The following YJEFN3 variants were observed in gnomAD, a reference collection of about 807,000 sequenced individuals.
YJEFN3 encodes yjeF N-terminal domain-containing protein 3.
Under a neutral mutation model 31.5 loss-of-function variants are expected in YJEFN3, and 29 were observed. The observed-to-expected ratio is 0.92, with a 90% CI of 0.69 to 1.26. The LOEUF is 1.26. Among genes scored for constraint, YJEFN3 ranks in the 50% most tolerant of loss-of-function variants. The probability of loss-of-function intolerance (pLI) is 0.00; values close to 1 mark genes in which losing one functional copy is unlikely to be tolerated. For synonymous variants in YJEFN3, 227 were observed against 196.1 expected (o/e 1.16, Z -1.32); for missense variants, 442 against 425.4 (o/e 1.04, Z -0.34).
At position 19,535,562 on chromosome 19, in the gene YJEFN3, GT is replaced by G. The variant is rs768721678; in HGVS notation, c.578del (p.Val193GlyfsTer33). The G allele has an allele frequency of 6.3e-7, 1 of 1,591,112 alleles. No homozygotes were observed. The highest frequency in any genetic ancestry group is 1.7e-5 in the Admixed American group (1 of 58,030). The stretch of plus-strand genomic sequence containing the variant: ...CATTAACGAAGCCTATGGGCTGGTG[GT>G]GGATGCCGTACTGGGCCCCGGCGTG... ...QLINEAYGLVVDAVLGPGVEP... is the reference protein window; with the variant it reads ...QLINEAYGLVXDAVLGPGVEP... On this transcript the variant is annotated frameshift_variant, in exon 6 of 7. Coordinates refer to ENST00000514277, the MANE Select transcript of YJEFN3 (RefSeq NM_198537.4). LOFTEE classifies it high-confidence loss of function.
intron 6 of YJEFN3, 67 bp downstream of exon 6, chr19:19,535,746 TCCTGGTCGCCCCTG>T: frequency 6.6e-7 from 1 of 1,525,122 alleles, no homozygotes; most frequent in Non-Finnish European, 8.8e-7. Context: ...GTGCCCCAGC[TCCTGGTCGCCCCTG>T]CCTGTCTGAA....
intron 6 of YJEFN3, among the ~76,000 whole-genome samples, chr19:19,536,284 A>AT (rs1023217121): frequency 1.3e-3 from 196 of 152,302 alleles, no homozygotes; most frequent in African/African-American, 4.5e-3. Context: ...GAGAAGGATT[A>AT]AAGTCTGAGG....
chr19:19,529,674 C>T (rs1474484910), intron 2 of YJEFN3, among the ~76,000 whole-genome samples, 161 bp downstream of exon 2: 4 of 152,190 alleles, frequency 2.6e-5, no homozygotes, highest in Non-Finnish European at 5.9e-5. Flanking sequence ...GGGCACGTGT[C>T]CCCTCAGCCG....
rs996977125 is a variant in YJEFN3 at position 19,534,789 on chromosome 19, T to C, written c.319-245T>C. ...AAACCGCACTCCGGGCGACGGGCAG[T>C]GGCTGGATGCACGTTTTTCCTGCAC... is the stretch of plus-strand genomic sequence containing the variant. On this transcript the variant is annotated intron_variant, in intron 3 of 6. Transcript: ENST00000514277. The surrounding 1 kb of genome is among the most constrained non-coding windows in gnomAD (Gnocchi z 4.6). 1 of 385,576 alleles carries C rather than the reference T, an allele frequency of 2.6e-6. No homozygotes were observed. The highest frequency in any genetic ancestry group is 1.1e-4 in the South Asian group (1 of 9,014). The allele number at this position is 385,576 out of a possible 1,614,324, so 23.9% of individuals were successfully genotyped here. A position where few individuals can be genotyped will look rare whatever the true frequency, so the allele number is the denominator to read the frequency against.
Position 19,528,994 on chromosome 19 carries a change from C to G in YJEFN3, c.59+3C>G. On this transcript the variant is annotated splice_donor_region_variant and intron_variant, in intron 1 of 6. Coordinates refer to ENST00000514277, the MANE Select transcript of YJEFN3 (RefSeq NM_198537.4). Reference sequence around the variant, plus strand: ...CCCGAAGAGCGGCATTTCCTCAGGTCAGCTGGGGAGAGGGAAGCTGGAGAC... The same window carrying G: ...CCCGAAGAGCGGCATTTCCTCAGGTGAGCTGGGGAGAGGGAAGCTGGAGAC... 1 of 1,550,746 alleles carries G rather than the reference C, an allele frequency of 6.4e-7. No individual in the cohort carries two copies. Among genetic ancestry groups the G allele is most frequent in the Non-Finnish European group, 8.7e-7 (1 of 1,146,800 alleles).
At position 19,537,369 on chromosome 19, in the gene YJEFN3, G is replaced by C; in HGVS notation, c.745G>C (p.Val249Leu). Residue 249 changes from valine to leucine, a missense_variant, in exon 7 of 7, where the codon GTG becomes CTG. By Grantham distance (32) the Val-to-Leu change is conservative (BLOSUM62 1). Transcript: ENST00000514277. The stretch of plus-strand genomic sequence containing the variant: ...TTCGGAGGACGGGCTGCGGCCTGAC[G>C]TGCTGGTGTCTCTCGCGGCGCCCAA... ...SDSEDGLRPD[V>L]LVSLAAPKRC... The C allele has an allele frequency of 6.3e-7, 1 of 1,596,270 alleles. No homozygotes were observed. Among genetic ancestry groups the C allele is most frequent in the Non-Finnish European group, 8.5e-7 (1 of 1,177,430 alleles).
intron 2 of YJEFN3, among the ~76,000 whole-genome samples, chr19:19,530,056 T>A (rs565779167): frequency 6.6e-6 from 1 of 151,938 alleles, no homozygotes; most frequent in African/African-American, 2.4e-5. Flanking sequence ...TGGGCAGAGG[T>A]GTGAGGTGGA....
chr19:19,536,028 G>A (rs1324278472), intron 6 of YJEFN3: 13 of 528,262 alleles, frequency 2.5e-5, no homozygotes, highest in African/African-American at 1.4e-4. Flanking sequence ...ACAGGCAGAC[G>A]GAACAAACAG....
chr19:19,533,619 C>T (rs2061179839), intron 3 of YJEFN3: 2 of 968,086 alleles, frequency 2.1e-6, no homozygotes, highest in Non-Finnish European at 2.5e-6. Flanking sequence ...TCCTCCTCCT[C>T]CCCATTCTCT....
chr19:19,532,440 C>A (rs1248948600), intron 2 of YJEFN3, among the ~76,000 whole-genome samples, 192 bp from the exon 3 acceptor site: 1 of 152,248 alleles, frequency 6.6e-6, no homozygotes, highest in Non-Finnish European at 1.5e-5. Context: ...GCCCGCCAGG[C>A]CTCGATTCAA....
chr19:19,534,720 T>G lies in YJEFN3; in HGVS notation c.319-314T>G. 1 of 228,398 alleles carries G rather than the reference T, an allele frequency of 4.4e-6. No individual in the cohort carries two copies. Among genetic ancestry groups the G allele is most frequent in the Non-Finnish European group, 8.5e-6 (1 of 117,190 alleles). 14.1% of individuals were successfully genotyped at this position (228,398 alleles called of 1,614,324 possible). A position where few individuals can be genotyped will look rare whatever the true frequency, so the allele number is the denominator to read the frequency against. On this transcript the variant is annotated intron_variant, in intron 3 of 6. Coordinates refer to ENST00000514277, the MANE Select transcript of YJEFN3 (RefSeq NM_198537.4). This position sits in a 1 kb window ranked among gnomAD's most constrained non-coding sequence, Gnocchi z 4.6. ...AACATGGGCGGGGGTGGGCCCGCGG[T>G]GAGAAAGGTGGAAGAATGTCTGCAA...
chr19:19,537,482 C>A lies in YJEFN3; in HGVS notation c.858C>A (p.Arg286=), dbSNP rs1168507139. 1 of 1,583,048 alleles carries A rather than the reference C, an allele frequency of 6.3e-7. No individual in the cohort carries two copies. The highest frequency in any genetic ancestry group is 8.5e-7 in the Non-Finnish European group (1 of 1,169,984). Reference sequence around the variant, plus strand: ...ACGTGCGCCGCAAGTTCGCTCTGCGCCTGCCGGGATACACGGGCACCGACT... The same window carrying A: ...ACGTGCGCCGCAAGTTCGCTCTGCGACTGCCGGGATACACGGGCACCGACT... ...PDDVRRKFAL[R]LPGYTGTDCV... Residue 286 remains arginine (R), a synonymous_variant, in exon 7 of 7, where the codon CGC becomes CGA. Transcript: ENST00000514277.
chr19:19,534,551 CACACAGAGAGACAGAG>C lies in YJEFN3; in HGVS notation c.319-478_319-463del. On this transcript the variant is annotated intron_variant, in intron 3 of 6. Transcript: ENST00000514277. The surrounding 1 kb of genome is among the most constrained non-coding windows in gnomAD (Gnocchi z 4.6). ...CCAGAGACATACAGAGAGACAGAGA[CACACAGAGAGACAGAG>C]ACACGGAGAGTCTGAGAGATACAGA... 1 of 153,424 alleles carries C rather than the reference CACACAGAGAGACAGAG, an allele frequency of 6.5e-6. No homozygotes were observed. The highest frequency in any genetic ancestry group is 1.9e-4 in the East Asian group (1 of 5,206). 9.5% of individuals were successfully genotyped at this position (153,424 alleles called of 1,614,324 possible). A position where few individuals can be genotyped will look rare whatever the true frequency, so the allele number is the denominator to read the frequency against.
Position 19,534,236 on chromosome 19 carries a change from C to T in YJEFN3, c.319-798C>T, listed in dbSNP as rs2061184975. On this transcript the variant is annotated intron_variant, in intron 3 of 6. Transcript: ENST00000514277. The surrounding 1 kb of genome is among the most constrained non-coding windows in gnomAD (Gnocchi z 4.6). ...GACAGATAACAGAGAGATACAGAGACAGCCAGAGACAAATGGAGAGAGAGA... is the reference window on the plus strand; with the variant it reads ...GACAGATAACAGAGAGATACAGAGATAGCCAGAGACAAATGGAGAGAGAGA... 3.3e-6 allele frequency: 3 copies of T among 897,366 alleles called. No homozygotes were observed. Among genetic ancestry groups the T allele is most frequent in the African/African-American group, 1.8e-5 (1 of 55,152 alleles). The allele number at this position is 897,366 out of a possible 1,614,324, so 55.6% of individuals were successfully genotyped here.
chr19:19,532,744 CCT>C lies in YJEFN3; in HGVS notation c.318+5_318+6del. The stretch of plus-strand genomic sequence containing the variant: ...TAGTGCCGTGGCTGTGACCAAGGTA[CCT>C]GACCCCTGACCCCCAACCCTGACCC... On this transcript the variant is annotated splice_donor_5th_base_variant and intron_variant, in intron 3 of 6. Transcript: ENST00000514277. 1 of 1,547,488 alleles carries C rather than the reference CCT, an allele frequency of 6.5e-7. No individual in the cohort carries two copies.
At position 19,528,992 on chromosome 19, in the gene YJEFN3, G is replaced by A. The variant is rs1237818715; in HGVS notation, c.59+1G>A. 21 of 1,550,644 alleles carry A rather than the reference G, an allele frequency of 1.4e-5. No individual in the cohort carries two copies. Among genetic ancestry groups the A allele is most frequent in the Non-Finnish European group, 1.8e-5 (21 of 1,146,818 alleles). On this transcript the variant is annotated splice_donor_variant, in intron 1 of 6. Coordinates refer to ENST00000514277, the MANE Select transcript of YJEFN3 (RefSeq NM_198537.4). LOFTEE classifies it high-confidence loss of function. ...CGCCCGAAGAGCGGCATTTCCTCAG[G>A]TCAGCTGGGGAGAGGGAAGCTGGAG...
chr19:19,534,921 G>C lies in YJEFN3; in HGVS notation c.319-113G>C. The C allele has an allele frequency of 1.1e-6, 1 of 876,134 alleles. No homozygotes were observed. The highest frequency in any genetic ancestry group is 1.7e-6 in the Non-Finnish European group (1 of 589,262). The allele number at this position is 876,134 out of a possible 1,614,324, so 54.3% of individuals were successfully genotyped here. Reference sequence around the variant, plus strand: ...AACAGCTCACCTCCTGTCCTATCCTGTTGCCTCCAGGCCCAAGCCCCATCC... The same window carrying C: ...AACAGCTCACCTCCTGTCCTATCCTCTTGCCTCCAGGCCCAAGCCCCATCC... On this transcript the variant is annotated intron_variant, in intron 3 of 6. Coordinates refer to ENST00000514277, the MANE Select transcript of YJEFN3 (RefSeq NM_198537.4). The surrounding 1 kb of genome is among the most constrained non-coding windows in gnomAD (Gnocchi z 4.6).
intron 3 of YJEFN3, chr19:19,533,396 G>A: frequency 1.0e-6 from 1 of 986,188 alleles, no homozygotes; most frequent in Non-Finnish European, 1.2e-6. Context: ...GCTCTAGCGT[G>A]ACTGCCTCCT....
rs377266453 is a variant in YJEFN3, at chr19:19,529,407, G to A, written c.103G>A (p.Glu35Lys). The A allele has an allele frequency of 6.2e-7, 1 of 1,614,004 alleles. No homozygotes were observed. Among genetic ancestry groups the A allele is most frequent in the African/African-American group, 1.3e-5 (1 of 74,924 alleles). Residue 35 changes from glutamate (E) to lysine (K), a missense_variant, in exon 2 of 7, where the codon GAG becomes AAG. By Grantham distance (56) the Glu-to-Lys change is moderately conservative. Coordinates refer to ENST00000514277, the MANE Select transcript of YJEFN3 (RefSeq NM_198537.4). ...QPPLADMGRA[E>K]LSSNATTSLV... ...CCCACTTGCCGACATGGGAAGAGCG[G>A]AGCTTAGCTCAAATGCTACCACCTC...
Sources: gnomAD v4.1 joint callset for allele counts (sites outside exome capture counted in the v4.1 genomes callset) on GRCh38, gnomAD v4.1.1 for gene constraint, Gnocchi (gnomAD v3.1) non-coding constraint, MANE v1.5 for transcripts, NCBI Gene and HGNC (gene_info 2026-07-23, HGNC 2026-07-21) for gene names.